Variants in PTPRD observed in about 807,000 individuals in gnomAD.
The protein encoded by PTPRD is protein tyrosine phosphatase receptor type D.
A neutral mutation model predicts 214.5 loss-of-function variants in PTPRD; 34 were observed. The observed-to-expected ratio is 0.16, with a 90% confidence interval of 0.12 to 0.21. PTPRD has a LOEUF of 0.21. PTPRD is among the 10% of genes least tolerant of loss of function. PTPRD has a pLI of 1.00. For synonymous variants in PTPRD, 1,128 were observed against 845.7 expected (o/e 1.33, Z -5.79); for missense variants, 2,545 against 2,398.7 (o/e 1.06, Z -1.27).
intron 9 of PTPRD, among the ~76,000 whole-genome samples, chr9:9,364,028 A>G (rs1207395736): frequency 6.6e-6 from 1 of 151,414 alleles, no homozygotes; most frequent in African/African-American, 2.4e-5. Context: ...AACATTTTAC[A>G]TAACTTCTAT....
chr9:8,777,552 G>GT (rs2095533704), intron 11 of PTPRD, among the ~76,000 whole-genome samples: 1 of 152,120 alleles, frequency 6.6e-6, no homozygotes, highest in South Asian at 2.1e-4. Context: ...TAGTGCATTT[G>GT]TTTTTTAAGA....
At chr9:8,328,843 C>T (rs920393396) in intron 44 of PTPRD, among the ~76,000 whole-genome samples, 2 of 152,064 alleles carry the variant, frequency 1.3e-5, no homozygotes, top group African/African-American at 2.4e-5. Context: ...GCGTATGCTT[C>T]ACGAAGATCT....
intron 5 of PTPRD, among the ~76,000 whole-genome samples, chr9:9,769,944 C>A (rs570552299): frequency 2.6e-5 from 4 of 152,066 alleles, no homozygotes; most frequent in Non-Finnish European, 5.9e-5. Flanking sequence ...TGAACTCATT[C>A]TTTTTATGGC....
rs148412683 is a variant in PTPRD, at chr9:9,950,791, T to C, written c.-471-12181A>G. On this transcript the variant is annotated intron_variant, in intron 4 of 45. Coordinates refer to ENST00000381196, the MANE Select transcript of PTPRD (RefSeq NM_002839.4). ...AAGTGGAAGATCAAACTATCTTTTA[T>C]ACCCCTGAATCAATAATGCATCTTT... Among the ~76,000 whole-genome samples, 127 of 145,988 alleles carry C rather than the reference T, an allele frequency of 8.7e-4. 8 individuals carry two copies. The highest frequency in any genetic ancestry group is 2.6e-3 in the African/African-American group (104 of 39,942).
At chr9:10,450,030 T>C (rs1370880995) in intron 2 of PTPRD, among the ~76,000 whole-genome samples, 1 of 151,638 alleles carries the variant, frequency 6.6e-6, no homozygotes, top group African/African-American at 2.4e-5. Flanking sequence ...GTTAAACAGA[T>C]GCTTGAAGGC....
chr9:8,316,691 A>AAC lies in PTPRD; in HGVS notation c.*1182_*1183insGT. 1 of 230,846 alleles carries AAC rather than the reference A, an allele frequency of 4.3e-6. No individual in the cohort carries two copies. The highest frequency in any genetic ancestry group is 8.6e-6 in the Non-Finnish European group (1 of 116,298). 14.3% of individuals were successfully genotyped at this position (230,846 alleles called of 1,614,324 possible). On this transcript the variant is annotated 3_prime_UTR_variant, in exon 46 of 46. Coordinates refer to ENST00000381196, the MANE Select transcript of PTPRD (RefSeq NM_002839.4). ...TGGAAGCCTGACTAACAAACAAACA[A>AAC]AACAATTTGTGGATGTGATTGATTG...
At chr9:8,579,560 A>G (rs1436058023) in intron 14 of PTPRD, among the ~76,000 whole-genome samples, 1 of 152,204 alleles carries the variant, frequency 6.6e-6, no homozygotes, top group Admixed American at 6.5e-5. Flanking sequence ...AAAAACCCAC[A>G]GTGCCTGTCA....
intron 3 of PTPRD, among the ~76,000 whole-genome samples, chr9:10,083,887 T>C (rs1269103690): frequency 6.6e-6 from 1 of 151,930 alleles, no homozygotes; most frequent in Non-Finnish European, 1.5e-5. Context: ...GCTCACCTCT[T>C]GCTATTTGGC....
At chr9:8,943,685 G>T (rs2099047095) in intron 11 of PTPRD, among the ~76,000 whole-genome samples, 1 of 149,620 alleles carries the variant, frequency 6.7e-6, no homozygotes, top group African/African-American at 2.5e-5. Context: ...AATGGTTCTG[G>T]GAAAACTAGA....
At chr9:10,294,889 T>C (rs1035217222) in intron 3 of PTPRD, among the ~76,000 whole-genome samples, 1 of 152,032 alleles carries the variant, frequency 6.6e-6, no homozygotes. Flanking sequence ...AAATAGGTTT[T>C]GGAACGCCAC....
chr9:10,115,193 A>G (rs2098720947), intron 3 of PTPRD, among the ~76,000 whole-genome samples: 1 of 152,054 alleles, frequency 6.6e-6, no homozygotes, highest in Non-Finnish European at 1.5e-5. Flanking sequence ...GAAATTTAAA[A>G]ATGTGGATTA....
chr9:8,563,653 T>C (rs928189848), intron 14 of PTPRD, among the ~76,000 whole-genome samples: 1 of 152,008 alleles, frequency 6.6e-6, no homozygotes, highest in Non-Finnish European at 1.5e-5. Flanking sequence ...GCCAGGCTGG[T>C]CTTGAACTCC....
intron 8 of PTPRD, among the ~76,000 whole-genome samples, chr9:9,457,175 G>C (rs930391917): frequency 2.0e-5 from 3 of 151,818 alleles, no homozygotes; most frequent in African/African-American, 7.3e-5. Context: ...AGTACAATTG[G>C]TACTTATTTA....
At chr9:9,946,446 C>T (rs961450924) in intron 4 of PTPRD, among the ~76,000 whole-genome samples, 1 of 152,086 alleles carries the variant, frequency 6.6e-6, no homozygotes, top group East Asian at 1.9e-4. Flanking sequence ...AAAATAAACT[C>T]CCTCTTCAAA....
At chr9:10,011,943 G>T (rs938741999) in intron 4 of PTPRD, among the ~76,000 whole-genome samples, 3 of 151,832 alleles carry the variant, frequency 2.0e-5, no homozygotes, top group Admixed American at 6.6e-5. Context: ...CAGTGGTATT[G>T]TTTTGGCCTT....
intron 11 of PTPRD, among the ~76,000 whole-genome samples, chr9:8,734,440 G>A (rs1033527950): frequency 6.6e-6 from 1 of 152,212 alleles, no homozygotes. Flanking sequence ...AACTTCTCCA[G>A]GTAAATAGCA....
intron 4 of PTPRD, among the ~76,000 whole-genome samples, chr9:9,999,834 G>A (rs975675691): frequency 6.6e-6 from 1 of 152,142 alleles, no homozygotes. Flanking sequence ...CTAATGTGAT[G>A]CACTCTAAGC....
At chr9:10,467,340 G>C (rs2099001569) in intron 2 of PTPRD, among the ~76,000 whole-genome samples, 2 of 152,240 alleles carry the variant, frequency 1.3e-5, no homozygotes, top group Admixed American at 6.5e-5. Context: ...ATAATTCCTG[G>C]AACAGCAATT....
intron 14 of PTPRD, among the ~76,000 whole-genome samples, chr9:8,536,575 GA>G (rs953320833): frequency 6.6e-6 from 1 of 151,952 alleles, no homozygotes; most frequent in African/African-American, 2.4e-5. Flanking sequence ...GGAAGAGTGT[GA>G]AAAGGCTGAT....
Sources: allele counts gnomAD v4.1 joint callset (sites outside exome capture counted in the v4.1 genomes callset), GRCh38; gene constraint gnomAD v4.1.1; transcripts MANE v1.5; gene names NCBI Gene and HGNC (gene_info 2026-07-23, HGNC 2026-07-21).